CDH18: variants seen among roughly 807,000 people sequenced by gnomAD.
CDH18 encodes the protein cadherin 18, also known as cadherin-18.
Under a neutral mutation model 67.9 loss-of-function variants are expected in CDH18, and 31 were observed. That is an observed-to-expected ratio of 0.46 (90% confidence interval 0.34 to 0.62). The LOEUF (loss-of-function observed/expected upper bound fraction) is 0.62. Ranked by LOEUF, CDH18 falls within the 20% of genes least tolerant of loss-of-function variation. The pLI is 0.01. For synonymous variants in CDH18, 362 were observed against 347.2 expected, an observed-to-expected ratio of 1.04 and a Z score of -0.48; for missense variants, 890 against 975.5, an observed-to-expected ratio of 0.91 and a Z score of 1.17.
intron 1 of CDH18, among the ~76,000 whole-genome samples, chr5:20,546,191 C>T (rs1382756161): frequency 1.3e-5 from 2 of 152,132 alleles, no homozygotes; most frequent in Middle Eastern, 3.2e-3. Flanking sequence ...TTCCATGTCA[C>T]TATAAGTATT....
intron 5 of CDH18, among the ~76,000 whole-genome samples, chr5:19,718,905 A>T (rs1240804758): frequency 2.0e-5 from 3 of 152,150 alleles, no homozygotes; most frequent in East Asian, 3.9e-4. Flanking sequence ...TAAGGTACTC[A>T]CTTAAACTAT....
intron 5 of CDH18, among the ~76,000 whole-genome samples, chr5:19,719,958 AAGG>A (rs139247928): frequency 4.7e-5 from 7 of 149,284 alleles, no homozygotes; most frequent in African/African-American, 1.5e-4. Flanking sequence ...AGAAAGAAAG[AAGG>A]AAAGAGTTAA....
At chr5:19,976,051 C>T (rs1033029097) in intron 2 of CDH18, among the ~76,000 whole-genome samples, 18 of 152,204 alleles carry the variant, frequency 1.2e-4, no homozygotes, top group African/African-American at 4.1e-4. Context: ...TCATCTGAAA[C>T]GGTGATTCAT....
At chr5:20,532,792 T>C (rs1478121736) in intron 1 of CDH18, among the ~76,000 whole-genome samples, 1 of 152,146 alleles carries the variant, frequency 6.6e-6, no homozygotes, top group Non-Finnish European at 1.5e-5. Context: ...AATAATCCAT[T>C]GTTTAGTTAA....
At chr5:19,476,063 G>A (rs1007952141) in intron 12 of CDH18, among the ~76,000 whole-genome samples, 1 of 152,000 alleles carries the variant, frequency 6.6e-6, no homozygotes, top group African/African-American at 2.4e-5. Context: ...AGATGGAAAG[G>A]AAAGTGAGAG....
intron 2 of CDH18, among the ~76,000 whole-genome samples, chr5:19,841,867 A>G (rs2081224664): frequency 6.6e-6 from 1 of 152,202 alleles, no homozygotes; most frequent in Non-Finnish European, 1.5e-5. Context: ...TATGCTTTAT[A>G]TGTTTGCGAA....
intron 9 of CDH18, among the ~76,000 whole-genome samples, chr5:19,531,606 TTC>T (rs1009931864): frequency 3.4e-5 from 4 of 116,922 alleles, no homozygotes; most frequent in East Asian, 2.2e-4. Context: ...AAAATGTGTG[TTC>T]TCACACACAC....
At chr5:19,725,764 C>T (rs886288144) in intron 4 of CDH18, among the ~76,000 whole-genome samples, 3 of 152,220 alleles carry the variant, frequency 2.0e-5, no homozygotes, top group Non-Finnish European at 2.9e-5. Flanking sequence ...AATGAAACTC[C>T]GTCTCAACAA....
chr5:19,825,459 G>T (rs575631348), intron 3 of CDH18, among the ~76,000 whole-genome samples: 1 of 152,056 alleles, frequency 6.6e-6, no homozygotes, highest in Non-Finnish European at 1.5e-5. Flanking sequence ...CTGCAGGCAG[G>T]TGCAACCCCA....
chr5:19,764,395 C>T (rs544653798), intron 3 of CDH18, among the ~76,000 whole-genome samples: 11 of 151,434 alleles, frequency 7.3e-5, no homozygotes, highest in Non-Finnish European at 1.5e-4. Context: ...TGTCAAAATA[C>T]GATATAATGT....
chr5:19,596,866 A>G (rs1746258763), intron 6 of CDH18, among the ~76,000 whole-genome samples: 1 of 152,188 alleles, frequency 6.6e-6, no homozygotes, highest in Non-Finnish European at 1.5e-5. Flanking sequence ...TTGAGTTGAG[A>G]ATTATAATTT....
intron 3 of CDH18, among the ~76,000 whole-genome samples, chr5:19,792,885 C>A (rs772644680): frequency 1.6e-4 from 24 of 152,180 alleles, no homozygotes; most frequent in Admixed American, 5.2e-4. Flanking sequence ...AGAAGAAGGA[C>A]AAGTTATTTA....
intron 1 of CDH18, chr5:20,304,916 G>C: frequency 1.2e-6 from 2 of 1,612,912 alleles, no homozygotes; most frequent in Admixed American, 1.7e-5. Flanking sequence ...TCACAGAGGG[G>C]GTTTGTATTC....
intron 7 of CDH18, among the ~76,000 whole-genome samples, chr5:19,573,371 C>T (rs899627490): frequency 6.6e-6 from 1 of 150,674 alleles, no homozygotes; most frequent in Non-Finnish European, 1.5e-5. Flanking sequence ...CTCCGTCTCC[C>T]GGGTTCAAGC....
intron 1 of CDH18, among the ~76,000 whole-genome samples, chr5:20,520,742 T>A (rs1271847176): frequency 6.6e-6 from 1 of 152,172 alleles, no homozygotes; most frequent in African/African-American, 2.4e-5. Flanking sequence ...TAGGGGATAA[T>A]CTAGTTTTGA....
intron 1 of CDH18, among the ~76,000 whole-genome samples, chr5:20,566,676 A>C (rs1421202220): frequency 6.6e-6 from 1 of 151,658 alleles, no homozygotes; most frequent in Non-Finnish European, 1.5e-5. Context: ...CACCCAGCCT[A>C]ATTCTCTTGA....
intron 1 of CDH18, among the ~76,000 whole-genome samples, chr5:20,477,302 C>A (rs914737886): frequency 6.6e-6 from 1 of 152,138 alleles, no homozygotes; most frequent in African/African-American, 2.4e-5. Flanking sequence ...ACCAACCACA[C>A]AAGAAAGGAC....
intron 2 of CDH18, among the ~76,000 whole-genome samples, chr5:20,155,602 T>G (rs2126588572): frequency 6.6e-6 from 1 of 152,240 alleles, no homozygotes; most frequent in East Asian, 1.9e-4. Flanking sequence ...TTTATTTTTG[T>G]TTTTGTTGTG....
At chr5:20,260,951 G>A (rs1209828634) in intron 1 of CDH18, among the ~76,000 whole-genome samples, 1 of 152,134 alleles carries the variant, frequency 6.6e-6, no homozygotes, top group Non-Finnish European at 1.5e-5. Context: ...ACCAATACAT[G>A]GTTTAGCCTT....
Sources: gnomAD v4.1 joint callset for allele counts (sites outside exome capture counted in the v4.1 genomes callset) on GRCh38, gnomAD v4.1.1 for gene constraint, MANE v1.5 for transcripts, NCBI Gene and HGNC (gene_info 2026-07-23, HGNC 2026-07-21) for gene names.